Variants in RBPMS2 observed in about 807,000 individuals in gnomAD.
RBPMS2 encodes RNA binding protein, mRNA processing factor 2.
A neutral mutation model predicts 25.7 loss-of-function variants in RBPMS2; 14 were observed. The ratio of observed to expected loss-of-function variants is 0.55; its 90% CI spans 0.36 to 0.85. The LOEUF (loss-of-function observed/expected upper bound fraction) is 0.85. RBPMS2 is among the 40% of genes least tolerant of loss of function. The pLI is 0.01. For synonymous variants in RBPMS2, 127 were observed against 115.6 expected (o/e 1.10, Z -0.63); for missense variants, 252 against 283.4 (o/e 0.89, Z 0.80).
Position 64,751,658 on chromosome 15 carries a change from A to T in RBPMS2, c.88-20T>A. On this transcript the variant is annotated intron_variant, in intron 1 of 7. Coordinates refer to ENST00000300069, the MANE Select transcript of RBPMS2 (RefSeq NM_194272.3). Reference sequence around the variant, plus strand: ...CCGGACCTGGAGACAGAGACCAGTGATCAGGGCCAGGCTGCCCAAGACGGA... The same window carrying T: ...CCGGACCTGGAGACAGAGACCAGTGTTCAGGGCCAGGCTGCCCAAGACGGA... 6.2e-7 allele frequency: 1 copy of T among 1,609,996 alleles called. No homozygotes were observed. Among genetic ancestry groups the T allele is most frequent in the Non-Finnish European group, 8.5e-7 (1 of 1,176,408 alleles).
chr15:64,774,205 G>A (rs1481175393), intron 1 of RBPMS2, among the ~76,000 whole-genome samples: 3 of 152,220 alleles, frequency 2.0e-5, no homozygotes, highest in Admixed American at 6.5e-5. Flanking sequence ...AAGGGGAAGG[G>A]CGCCCAAGGT....
intron 1 of RBPMS2, chr15:64,761,245 G>A (rs767694051): frequency 1.3e-5 from 2 of 152,134 alleles, no homozygotes; most frequent in African/African-American, 4.8e-5. Flanking sequence ...GTGAGAAGAG[G>A]AGAGAAATCC....
intron 1 of RBPMS2, among the ~76,000 whole-genome samples, chr15:64,768,929 T>C (rs2141078274): frequency 6.7e-6 from 1 of 150,232 alleles, no homozygotes; most frequent in Non-Finnish European, 1.5e-5. Context: ...TGAAACCCCG[T>C]CTCTACTAAA....
intron 6 of RBPMS2, among the ~76,000 whole-genome samples, chr15:64,743,737 C>T (rs2141053758): frequency 6.6e-6 from 1 of 152,320 alleles, no homozygotes; most frequent in African/African-American, 2.4e-5. Flanking sequence ...GCAAACTCAG[C>T]CGTCTCTCAG....
chr15:64,754,628 A>T (rs1373230806), intron 1 of RBPMS2, among the ~76,000 whole-genome samples: 2 of 147,550 alleles, frequency 1.4e-5, no homozygotes, highest in Admixed American at 1.4e-4. Context: ...AAAACCCAAA[A>T]CCCAAGTCTT....
chr15:64,745,342 C>T (rs2083608802), intron 6 of RBPMS2, among the ~76,000 whole-genome samples: 1 of 152,146 alleles, frequency 6.6e-6, no homozygotes, highest in African/African-American at 2.4e-5. Context: ...TCATGAAGCA[C>T]CTCCCCTGTG....
intron 1 of RBPMS2, 148 bp from the exon 2 acceptor site, chr15:64,751,786 T>A (rs754074145): frequency 3.2e-6 from 2 of 615,788 alleles, no homozygotes; most frequent in East Asian, 5.6e-5. Flanking sequence ...CAAGGCAAAT[T>A]AACATTGTTT....
chr15:64,767,812 G>C (rs2083859679), intron 1 of RBPMS2, among the ~76,000 whole-genome samples: 1 of 152,146 alleles, frequency 6.6e-6, no homozygotes, highest in Non-Finnish European at 1.5e-5. Context: ...TGGGACTACA[G>C]GCATGCACCA....
intron 1 of RBPMS2, among the ~76,000 whole-genome samples, chr15:64,752,761 C>T (rs1291720982): frequency 2.0e-5 from 3 of 152,142 alleles, no homozygotes; most frequent in South Asian, 2.1e-4. Context: ...CATGCATGCA[C>T]CACCATGCCC....
chr15:64,741,324 C>T (rs2083560634), intron 6 of RBPMS2, 82 bp from the exon 7 acceptor site: 1 of 1,074,068 alleles, frequency 9.3e-7, no homozygotes, highest in South Asian at 1.4e-5. Flanking sequence ...CATCGGTGTC[C>T]CCGCTGGAGT....
At chr15:64,761,269 C>G (rs1433255068) in intron 1 of RBPMS2, 1 of 152,138 alleles carries the variant, frequency 6.6e-6, no homozygotes, top group East Asian at 1.9e-4. Context: ...AAGGGAAAAA[C>G]GAGCCTCTTA....
chr15:64,767,079 T>G (rs2083853118), intron 1 of RBPMS2, among the ~76,000 whole-genome samples: 2 of 151,986 alleles, frequency 1.3e-5, no homozygotes, highest in Non-Finnish European at 2.9e-5. Context: ...CCACCGAGTT[T>G]TTCGGTTTTT....
intron 5 of RBPMS2, 112 bp from the exon 6 acceptor site, chr15:64,748,679 AC>A: frequency 7.7e-7 from 1 of 1,298,878 alleles, no homozygotes; most frequent in Non-Finnish European, 1.0e-6. Flanking sequence ...AGGCCAGACC[AC>A]CCCCAACCAC....
At chr15:64,742,419 C>A (rs2083571401) in intron 6 of RBPMS2, among the ~76,000 whole-genome samples, 1 of 152,214 alleles carries the variant, frequency 6.6e-6, no homozygotes. Context: ...TTGCCTAAAC[C>A]CTGGCACTTG....
At chr15:64,770,483 C>A (rs1270516253) in intron 1 of RBPMS2, among the ~76,000 whole-genome samples, 1 of 152,180 alleles carries the variant, frequency 6.6e-6, no homozygotes, top group East Asian at 1.9e-4. Context: ...CATACAGGTT[C>A]ATTATTATTA....
chr15:64,748,853 A>C (rs932167069), intron 5 of RBPMS2, 147 bp downstream of exon 5: 1 of 890,120 alleles, frequency 1.1e-6, no homozygotes, highest in East Asian at 2.7e-5. Flanking sequence ...GGCAGGCTGC[A>C]GGGGAGGGAG....
At chr15:64,752,098 G>A (rs985215255) in intron 1 of RBPMS2, among the ~76,000 whole-genome samples, 4 of 151,752 alleles carry the variant, frequency 2.6e-5, no homozygotes, top group Admixed American at 2.0e-4. Flanking sequence ...CTGAGTAGCT[G>A]GGATTACTGG....
intron 1 of RBPMS2, among the ~76,000 whole-genome samples, chr15:64,775,000 C>T (rs1034749190): frequency 1.3e-5 from 2 of 150,640 alleles, no homozygotes; most frequent in African/African-American, 4.8e-5. Flanking sequence ...CGCGCGCGGC[C>T]CGCCTCGAGC....
intron 6 of RBPMS2, 50 bp downstream of exon 6, chr15:64,748,369 G>T: frequency 6.3e-7 from 1 of 1,586,426 alleles, no homozygotes; most frequent in Non-Finnish European, 8.6e-7. Flanking sequence ...GCAAAGTCTG[G>T]CCAGCTAAGA....
Sources: gnomAD v4.1 joint callset for allele counts (sites outside exome capture counted in the v4.1 genomes callset) on GRCh38, gnomAD v4.1.1 for gene constraint, MANE v1.5 for transcripts, NCBI Gene and HGNC (gene_info 2026-07-23, HGNC 2026-07-21) for gene names.